Variants in MIS18BP1 observed in about 807,000 individuals in gnomAD.
MIS18BP1 encodes the protein MIS18 binding protein 1.
A neutral mutation model predicts 116.1 loss-of-function variants in MIS18BP1; 72 were observed. The observed-to-expected ratio is 0.62, with a 90% CI of 0.51 to 0.75. MIS18BP1 has a LOEUF of 0.75. Among genes scored for constraint, MIS18BP1 ranks in the 30% least tolerant of loss-of-function variants. The pLI is 0.00. For synonymous variants in MIS18BP1, 386 were observed against 427.0 expected (o/e 0.90, Z 1.18); for missense variants, 1,363 against 1,303.2 (o/e 1.05, Z -0.71).
chr14:45,230,101 A>T (rs1011343248), intron 8 of MIS18BP1, among the ~76,000 whole-genome samples: 7 of 152,246 alleles, frequency 4.6e-5, no homozygotes, highest in African/African-American at 1.7e-4. Flanking sequence ...TGTTTTTGGC[A>T]GAAGGATTCC....
chr14:45,245,032 AACT>A (rs906029424), intron 2 of MIS18BP1, among the ~76,000 whole-genome samples: 1 of 152,212 alleles, frequency 6.6e-6, no homozygotes, highest in Non-Finnish European at 1.5e-5. Flanking sequence ...TAAAACTTTA[AACT>A]ACAATTGCCA....
intron 13 of MIS18BP1, among the ~76,000 whole-genome samples, chr14:45,215,633 G>C (rs772169676): frequency 9.9e-5 from 15 of 151,108 alleles, no homozygotes; most frequent in Non-Finnish European, 1.2e-4. Flanking sequence ...GAATGGTCTC[G>C]ATCTCCTGAC....
intron 13 of MIS18BP1, among the ~76,000 whole-genome samples, chr14:45,215,393 T>C (rs1298356587): frequency 6.6e-6 from 1 of 152,238 alleles, no homozygotes; most frequent in Non-Finnish European, 1.5e-5. Context: ...TCCAATTGTC[T>C]GTTATCCACA....
Position 45,210,494 on chromosome 14 carries a change from T to C in MIS18BP1, c.3038A>G (p.Asp1013Gly). 2 of 1,613,950 alleles carry C rather than the reference T, an allele frequency of 1.2e-6. No individual in the cohort carries two copies. Among genetic ancestry groups the C allele is most frequent in the Non-Finnish European group, 1.7e-6 (2 of 1,179,920 alleles). Residue 1013 changes from aspartate to glycine, a missense_variant, in exon 14 of 17, where the codon GAT becomes GGT. Transcript: ENST00000310806. ...PSFQDSEDDD[D>G]ILPNMDKNPT... ...ATTTTTGTCCATATTTGGCAGAATA[T>C]CATCATCATCTTCACTGTCCTGGAA...
At chr14:45,237,810 G>A (rs1891468722) in intron 4 of MIS18BP1, 89 bp from the exon 5 acceptor site, 1 of 1,471,352 alleles carries the variant, frequency 6.8e-7, no homozygotes, top group African/African-American at 1.5e-5. Flanking sequence ...GAAAAAACTT[G>A]TCTAAGTAAT....
intron 7 of MIS18BP1, chr14:45,231,567 T>C (rs1891279515): frequency 7.5e-6 from 2 of 268,022 alleles, no homozygotes. Context: ...AAACTGATAT[T>C]ATAGGAAAAC....
chr14:45,247,065 T>C lies in MIS18BP1; in HGVS notation c.222A>G (p.Ile74Met). 6.2e-7 allele frequency: 1 copy of C among 1,613,058 alleles called. No individual in the cohort carries two copies. The highest frequency in any genetic ancestry group is 8.5e-7 in the Non-Finnish European group (1 of 1,179,680). ...LKMTTFNNKN[I>M]FQSTMLTEAT... ...CCTCTGTTAGCATAGTTGATTGAAATATATTTTTATTGTTAAAAGTTGTCA... is the reference window on the plus strand; with the variant it reads ...CCTCTGTTAGCATAGTTGATTGAAACATATTTTTATTGTTAAAAGTTGTCA... Residue 74 changes from isoleucine to methionine, a missense_variant, in exon 2 of 17, where the codon ATA becomes ATG. Physicochemically the swap from Ile to Met is conservative, Grantham distance 10. Coordinates refer to ENST00000310806, the MANE Select transcript of MIS18BP1 (RefSeq NM_018353.5).
At chr14:45,208,311 C>T (rs551607601) in intron 14 of MIS18BP1, among the ~76,000 whole-genome samples, 6 of 150,106 alleles carry the variant, frequency 4.0e-5, no homozygotes, top group South Asian at 4.2e-4. Context: ...TAAAATTCAA[C>T]GGCCAAAAGG....
rs113343693 is a variant in MIS18BP1, at chr14:45,222,702, A to G, written c.2669+1216T>C. On this transcript the variant is annotated intron_variant, in intron 11 of 16. Coordinates refer to ENST00000310806, the MANE Select transcript of MIS18BP1 (RefSeq NM_018353.5). Reference sequence around the variant, plus strand: ...TCTTTAGGACCATGTCCACATATGTACAACTCCTGGGTGGCATAGAAGTTC... The same window carrying G: ...TCTTTAGGACCATGTCCACATATGTGCAACTCCTGGGTGGCATAGAAGTTC... Among the ~76,000 whole-genome samples the G allele has an allele frequency of 1.5e-3, 233 of 152,318 alleles. 2 individuals are homozygous for G. Among genetic ancestry groups the G allele is most frequent in the African/African-American group, 5.5e-3 (228 of 41,568 alleles).
intron 10 of MIS18BP1, among the ~76,000 whole-genome samples, chr14:45,226,471 G>A (rs903669449): frequency 1.3e-5 from 2 of 152,086 alleles, no homozygotes; most frequent in African/African-American, 2.4e-5. Flanking sequence ...ATTCCTGTAA[G>A]CATATGTTAA....
intron 2 of MIS18BP1, among the ~76,000 whole-genome samples, chr14:45,246,508 C>A (rs757764971): frequency 1.3e-5 from 2 of 152,204 alleles, no homozygotes; most frequent in Non-Finnish European, 2.9e-5. Context: ...CCCTCCAACT[C>A]TTCCCATCAT....
rs1454733946 is a variant in MIS18BP1 at position 45,242,189 on chromosome 14, T to C, written c.988A>G (p.Thr330Ala). Residue 330 changes from threonine to alanine, a missense_variant, in exon 4 of 17, where the codon ACA becomes GCA. By Grantham distance (58) the Thr-to-Ala change is moderately conservative. Coordinates refer to ENST00000310806, the MANE Select transcript of MIS18BP1 (RefSeq NM_018353.5). ...EGNGKTVPGE[T>A]GLPGSMKDTC... is the part of the protein sequence containing the mutation. ...TCTTTCATGGAACCTGGAAGACCTG[T>C]CTCTCCAGGCACTGTTTTTCCATTT... 1.2e-6 allele frequency: 2 copies of C among 1,614,026 alleles called. No homozygotes were observed. Among genetic ancestry groups the C allele is most frequent in the African/African-American group, 2.7e-5 (2 of 74,928 alleles).
At chr14:45,237,501 C>G in intron 5 of MIS18BP1, 147 bp downstream of exon 5, 2 of 878,750 alleles carry the variant, frequency 2.3e-6, no homozygotes, top group Non-Finnish European at 3.2e-6. Flanking sequence ...TGGCTAGGAC[C>G]TGCACAGTAA....
At chr14:45,239,390 T>C (rs1777463323) in intron 4 of MIS18BP1, among the ~76,000 whole-genome samples, 1 of 152,188 alleles carries the variant, frequency 6.6e-6, no homozygotes, top group Non-Finnish European at 1.5e-5. Context: ...AGGGAACGTC[T>C]TGGAAGAGAG....
At chr14:45,235,164 G>A (rs576309573) in intron 6 of MIS18BP1, among the ~76,000 whole-genome samples, 3 of 146,384 alleles carry the variant, frequency 2.0e-5, no homozygotes, top group South Asian at 2.2e-4. Flanking sequence ...CTGAGATCAC[G>A]CCACTACACT....
intron 10 of MIS18BP1, among the ~76,000 whole-genome samples, chr14:45,226,243 T>G (rs1043556277): frequency 6.6e-6 from 1 of 152,160 alleles, no homozygotes; most frequent in African/African-American, 2.4e-5. Context: ...AAATAAATGT[T>G]CTTCACTTTC....
chr14:45,239,284 T>A (rs1288577135), intron 4 of MIS18BP1, among the ~76,000 whole-genome samples: 1 of 152,108 alleles, frequency 6.6e-6, no homozygotes, highest in African/African-American at 2.4e-5. Flanking sequence ...GATAATGGCA[T>A]CTAAACCAAT....
Position 45,246,803 on chromosome 14 carries a change from A to C in MIS18BP1, c.484T>G (p.Tyr162Asp). Residue 162 changes from tyrosine (Y) to aspartate (D), a missense_variant, in exon 2 of 17, where the codon TAC becomes GAC. Tyr to Asp is a radical substitution (Grantham distance 160, BLOSUM62 -3). Transcript: ENST00000310806. ...TTGTTTTCCTTTTCTTCACATAGGT[A>C]GGTATGCTGCAATTTTTTTTTTTCA... ...RVEKKKLQHT[Y>D]LCEEKENNKS... The C allele has an allele frequency of 6.3e-7, 1 of 1,591,082 alleles. No homozygotes were observed. Among genetic ancestry groups the C allele is most frequent in the Middle Eastern group, 1.7e-4 (1 of 5,928 alleles).
chr14:45,210,636 A>C, intron 13 of MIS18BP1, 108 bp from the exon 14 acceptor site: 1 of 1,344,108 alleles, frequency 7.4e-7, no homozygotes, highest in Admixed American at 2.0e-5. Flanking sequence ...GTAACTTTCC[A>C]AGTTAGATAA....
Sources: gnomAD v4.1 joint callset for allele counts (sites outside exome capture counted in the v4.1 genomes callset) on GRCh38, gnomAD v4.1.1 for gene constraint, MANE v1.5 for transcripts, NCBI Gene and HGNC (gene_info 2026-07-23, HGNC 2026-07-21) for gene names.